The following ENOX2 variants were observed in gnomAD, a reference collection of about 807,000 sequenced individuals.
ENOX2 encodes ecto-NOX disulfide-thiol exchanger 2.
A neutral mutation model predicts 45.0 loss-of-function variants in ENOX2; 36 were observed. That is an observed-to-expected ratio of 0.80 (90% CI 0.61 to 1.06). The LOEUF (loss-of-function observed/expected upper bound fraction) is 1.06. Among genes scored for constraint, ENOX2 ranks in the 50% least tolerant of loss-of-function variants. ENOX2 has a pLI of 0.00. For synonymous variants in ENOX2, 174 were observed against 152.3 expected, an observed-to-expected ratio of 1.14 and a Z score of -1.05; for missense variants, 423 against 462.5, an observed-to-expected ratio of 0.91 and a Z score of 0.78.
intron 3 of ENOX2, among the ~76,000 whole-genome samples, chrX:130,755,622 T>C (rs1221671316): frequency 4.5e-5 from 5 of 110,514 alleles, no homozygotes; most frequent in Non-Finnish European, 7.6e-5. Context: ...GTAGGTATAT[T>C]TATTTATAGG....
At chrX:130,842,456 C>A (rs2078031553) in intron 2 of ENOX2, among the ~76,000 whole-genome samples, 1 of 111,537 alleles carries the variant, frequency 9.0e-6, no homozygotes, top group African/African-American at 3.3e-5. Flanking sequence ...ACCAAAGGCA[C>A]CCCACTCAGC....
chrX:130,860,237 A>G (rs759508305), intron 2 of ENOX2, among the ~76,000 whole-genome samples: 7 of 112,180 alleles, frequency 6.2e-5, no homozygotes, highest in South Asian at 3.7e-4. Flanking sequence ...GATTACAGGC[A>G]TGAGCCACTG....
chrX:130,706,478 C>T (rs1008138596), intron 3 of ENOX2, among the ~76,000 whole-genome samples: 1 of 111,109 alleles, frequency 9.0e-6, no homozygotes, highest in African/African-American at 3.3e-5. Context: ...GTAAGAAGAG[C>T]ATTCTAAAAA....
At chrX:130,877,894 A>T (rs955625006) in intron 2 of ENOX2, among the ~76,000 whole-genome samples, 3 of 112,142 alleles carry the variant, frequency 2.7e-5, no homozygotes, top group Non-Finnish European at 5.6e-5. Context: ...TACAGGCAAC[A>T]CAATACAGTA....
intron 2 of ENOX2, among the ~76,000 whole-genome samples, chrX:130,836,666 A>G (rs1038179664): frequency 1.5e-4 from 17 of 111,908 alleles, no homozygotes; most frequent in African/African-American, 5.2e-4. Flanking sequence ...GTGATAAGCT[A>G]CGTTCCTAGC....
chrX:130,876,804 G>A (rs2078712235), intron 2 of ENOX2, among the ~76,000 whole-genome samples: 1 of 111,429 alleles, frequency 9.0e-6, no homozygotes, highest in Non-Finnish European at 1.9e-5. Context: ...TCTAAGAGTA[G>A]GAGCTGAATA....
intron 4 of ENOX2, among the ~76,000 whole-genome samples, chrX:130,692,437 T>C (rs2037626860): frequency 8.9e-6 from 1 of 112,969 alleles, no homozygotes; most frequent in Non-Finnish European, 1.9e-5. Flanking sequence ...AAGATACTCC[T>C]CCAAAGTCCT....
intron 2 of ENOX2, among the ~76,000 whole-genome samples, chrX:130,812,197 A>G (rs10284132): frequency 0.092 from 10,265 of 111,510 alleles, 806 homozygotes; most frequent in African/African-American, 0.26. Flanking sequence ...GATATAAATA[A>G]CCAGGTAAAA....
chrX:130,864,075 G>A (rs1306598512), intron 2 of ENOX2, among the ~76,000 whole-genome samples: 3 of 110,195 alleles, frequency 2.7e-5, no homozygotes, highest in African/African-American at 9.9e-5. Context: ...TTCTCAGACT[G>A]TGTTTTAGTA....
chrX:130,631,472 T>C lies in ENOX2; in HGVS notation c.1524A>G (p.Leu508=). 4 of 1,133,881 alleles carry C rather than the reference T, an allele frequency of 3.5e-6. No homozygotes were observed. Among genetic ancestry groups the C allele is most frequent in the Non-Finnish European group, 4.9e-6 (4 of 824,555 alleles). The allele number at this position is 1,133,881 out of a possible 1,213,427, so 93.4% of individuals were successfully genotyped here. Residue 508 remains leucine (L), a synonymous_variant, in exon 13 of 15, where the codon CTA becomes CTG. Transcript: ENST00000394363. ...SPIKSEREAL[L]VGIISTFLHV... ...TGTGTGCATTAGCTTCCTTACCCAC[T>C]AGCAGTGCTTCACGTTCAGATTTGA...
At chrX:130,816,203 A>G (rs2077483455) in intron 2 of ENOX2, among the ~76,000 whole-genome samples, 1 of 112,246 alleles carries the variant, frequency 8.9e-6, no homozygotes, top group African/African-American at 3.2e-5. Context: ...GGATCAATGC[A>G]ACAAGAAGAG....
rs924581726 is a variant in ENOX2, at chrX:130,793,653, C to T, written c.-182-9963G>A. ...TATTTTCGTACACTCATAATGTTCT[C>T]TGTGTTTTTTCTGTGGGGCTGACAT... On this transcript the variant is annotated intron_variant, in intron 2 of 14. Transcript: ENST00000394363. Among the ~76,000 whole-genome samples, 9 of 111,891 alleles carry T rather than the reference C, an allele frequency of 8.0e-5. No homozygotes were observed. The Admixed American group carries it at 8.5e-4, about 11-fold the overall frequency.
intron 3 of ENOX2, among the ~76,000 whole-genome samples, chrX:130,776,544 G>A (rs1010972981): frequency 1.8e-5 from 2 of 110,805 alleles, no homozygotes; most frequent in African/African-American, 3.3e-5. Context: ...TTTGAGTTCT[G>A]CCATGAGTAA....
intron 3 of ENOX2, among the ~76,000 whole-genome samples, chrX:130,709,685 G>T (rs1015739458): frequency 9.7e-6 from 1 of 102,938 alleles, no homozygotes; most frequent in African/African-American, 3.5e-5. Context: ...AAAAGAAAAA[G>T]AAACAGATAG....
chrX:130,660,502 C>T lies in ENOX2; in HGVS notation c.1015-3807G>A, dbSNP rs756492424. Reference sequence around the variant, plus strand: ...GAAGGGCTGAAAGGTGACATGAACCCCAGGAAGGCATTCTACCTAGTTTGG... The same window carrying T: ...GAAGGGCTGAAAGGTGACATGAACCTCAGGAAGGCATTCTACCTAGTTTGG... On this transcript the variant is annotated intron_variant, in intron 9 of 14. Transcript: ENST00000394363. Among the ~76,000 whole-genome samples the T allele has an allele frequency of 4.5e-5, 5 of 111,557 alleles. No homozygotes were observed. In the East Asian group the frequency reaches 1.4e-3, roughly 31 times the overall value.
At chrX:130,891,490 GTTTTTTTT>G (rs140444679) in intron 2 of ENOX2, among the ~76,000 whole-genome samples, 4 of 44,572 alleles carry the variant, frequency 9.0e-5, no homozygotes, top group South Asian at 2.7e-3. Context: ...ACACTATATG[GTTTTTTTT>G]TTTTTTTTTT....
chrX:130,745,093 AG>A (rs1569496175), intron 3 of ENOX2, among the ~76,000 whole-genome samples: 2 of 111,732 alleles, frequency 1.8e-5, no homozygotes, highest in African/African-American at 6.5e-5. Context: ...GGTGCCAAAA[AG>A]GTTGCGGACG....
chrX:130,756,753 G>A (rs1339026077), intron 3 of ENOX2, among the ~76,000 whole-genome samples: 9 of 112,150 alleles, frequency 8.0e-5, no homozygotes, highest in Non-Finnish European at 1.7e-4. Flanking sequence ...TACTCTGCCC[G>A]TTTTCTGGAT....
chrX:130,813,634 G>A (rs757914294), intron 2 of ENOX2, among the ~76,000 whole-genome samples: 3 of 111,688 alleles, frequency 2.7e-5, no homozygotes, highest in Non-Finnish European at 5.7e-5. Context: ...CACCTCACGC[G>A]GGAAGCTCAA....
Sources: allele counts gnomAD v4.1 joint callset (sites outside exome capture counted in the v4.1 genomes callset), GRCh38; gene constraint gnomAD v4.1.1; transcripts MANE v1.5; gene names NCBI Gene and HGNC (gene_info 2026-07-23, HGNC 2026-07-21).